NBAS: variants seen among roughly 807,000 people sequenced by gnomAD.
NBAS encodes the protein NBAS subunit of NRZ tethering complex.
Under a neutral mutation model 302.5 loss-of-function variants are expected in NBAS, and 219 were observed. The observed-to-expected ratio is 0.72, with a 90% CI of 0.65 to 0.81. The LOEUF (loss-of-function observed/expected upper bound fraction) is 0.81. Among genes scored for constraint, NBAS ranks in the 30% least tolerant of loss-of-function variants. The probability of loss-of-function intolerance (pLI) is 0.00; values close to 1 mark genes in which losing one functional copy is unlikely to be tolerated. For synonymous variants in NBAS, 1,118 were observed against 1,021.6 expected, an observed-to-expected ratio of 1.09 and a Z score of -1.80; for missense variants, 2,932 against 2,841.6, an observed-to-expected ratio of 1.03 and a Z score of -0.72.
the NBAS span, among the ~76,000 whole-genome samples, chr2:14,839,449 C>G: frequency 2.0e-4 from 31 of 152,074 alleles, no homozygotes; most frequent in African/African-American, 6.5e-4. Flanking sequence ...CTGAGGACAG[C>G]CAGAGACAAA....
chr2:15,298,112 A>G (rs771072366), intron 40 of NBAS, among the ~76,000 whole-genome samples: 8 of 152,148 alleles, frequency 5.3e-5, no homozygotes, highest in Non-Finnish European at 1.0e-4. Context: ...TGGGAGGCCA[A>G]GGTGGGAGGA....
chr2:15,183,361 T>G (rs1452666472), intron 50 of NBAS, among the ~76,000 whole-genome samples: 1 of 152,200 alleles, frequency 6.6e-6, no homozygotes, highest in East Asian at 1.9e-4. Flanking sequence ...CGATGGAAAG[T>G]CACGGTGACA....
chr2:15,443,713 G>A lies in NBAS; in HGVS notation c.2340-15919C>T, dbSNP rs1351682718. 3.3e-5 allele frequency among the ~76,000 whole-genome samples: 5 copies of A among 150,898 alleles called. No homozygotes were observed. The East Asian group carries it at 7.8e-4, about 24-fold the overall frequency. ...AATTAGGAAAAGAGGAAGTCAAATT[G>A]TCCCTGTTTGCAGACGACATGATTG... is the stretch of plus-strand genomic sequence containing the variant. On this transcript the variant is annotated intron_variant, in intron 21 of 51. Transcript: ENST00000281513.
chr2:14,869,555 A>G, the NBAS span, among the ~76,000 whole-genome samples: 2 of 152,088 alleles, frequency 1.3e-5, no homozygotes, highest in African/African-American at 4.8e-5. Flanking sequence ...CTAATTCTGC[A>G]TGTGGTTTTA....
the NBAS span, among the ~76,000 whole-genome samples, chr2:14,958,974 A>T: frequency 6.6e-6 from 1 of 152,200 alleles, no homozygotes; most frequent in Non-Finnish European, 1.5e-5. Context: ...GTGGAGTAAC[A>T]CTGAAGAGGC....
chr2:14,788,816 T>C, the NBAS span, among the ~76,000 whole-genome samples: 1 of 152,236 alleles, frequency 6.6e-6, no homozygotes, highest in Non-Finnish European at 1.5e-5. Context: ...CTGCCCTTTC[T>C]CAGATCTCCA....
At chr2:15,113,319 T>TTG in the NBAS span, among the ~76,000 whole-genome samples, 5 of 40,946 alleles carry the variant, frequency 1.2e-4, no homozygotes, top group Non-Finnish European at 2.9e-4. Context: ...TGGTATGAAC[T>TTG]CGTGTGTGTG....
chr2:15,145,877 G>A, the NBAS span, among the ~76,000 whole-genome samples: 2 of 152,102 alleles, frequency 1.3e-5, no homozygotes, highest in African/African-American at 2.4e-5. Flanking sequence ...ATGCATGCTC[G>A]AAGTTGAGAG....
At chr2:14,887,360 G>A in the NBAS span, among the ~76,000 whole-genome samples, 3 of 142,584 alleles carry the variant, frequency 2.1e-5, no homozygotes, top group African/African-American at 8.3e-5. Flanking sequence ...CTGAGATCGC[G>A]CCACCGCACT....
At chr2:14,999,510 G>C in the NBAS span, among the ~76,000 whole-genome samples, 1 of 152,058 alleles carries the variant, frequency 6.6e-6, no homozygotes, top group Non-Finnish European at 1.5e-5. Context: ...GATAGTGAAC[G>C]AGTTCTCAGG....
At chr2:14,785,455 T>C in the NBAS span, among the ~76,000 whole-genome samples, 2 of 152,136 alleles carry the variant, frequency 1.3e-5, no homozygotes, top group South Asian at 4.1e-4. Flanking sequence ...TGGCTGTGGG[T>C]TTGTCATAGA....
chr2:14,813,349 A>G, the NBAS span, among the ~76,000 whole-genome samples: 1 of 152,192 alleles, frequency 6.6e-6, no homozygotes. Flanking sequence ...TGGCCAAAAT[A>G]CTGATAGTGA....
chr2:15,288,402 C>T (rs1467633858), intron 41 of NBAS, among the ~76,000 whole-genome samples: 2 of 152,066 alleles, frequency 1.3e-5, no homozygotes, highest in African/African-American at 4.8e-5. Flanking sequence ...TAAACACACA[C>T]CCAGCAGAGG....
intron 47 of NBAS, among the ~76,000 whole-genome samples, chr2:15,220,252 GC>G (rs1287650402): frequency 6.6e-6 from 1 of 151,874 alleles, no homozygotes; most frequent in Admixed American, 6.5e-5. Context: ...AGTAGGGGCG[GC>G]CGGGCAGAGG....
At position 15,352,086 on chromosome 2, in the gene NBAS, A is replaced by T. The variant is rs746120462; in HGVS notation, c.4090-5T>A. On this transcript the variant is annotated splice_polypyrimidine_tract_variant and splice_region_variant and intron_variant, in intron 34 of 51. Transcript: ENST00000281513. ...ATTCACTCTTTGATAAAGAATCTAAAACAAGAATAGGCTATATTGTAAAGG... is the reference window on the plus strand; with the variant it reads ...ATTCACTCTTTGATAAAGAATCTAATACAAGAATAGGCTATATTGTAAAGG... The T allele has an allele frequency of 6.3e-7, 1 of 1,586,726 alleles. No homozygotes were observed. Among genetic ancestry groups the T allele is most frequent in the South Asian group, 1.1e-5 (1 of 90,474 alleles).
chr2:14,853,081 TA>T, the NBAS span, among the ~76,000 whole-genome samples: 32 of 135,774 alleles, frequency 2.4e-4, no homozygotes, highest in African/African-American at 8.9e-4. Context: ...GGGATCTAAT[TA>T]AACTAAAGAG....
the NBAS span, among the ~76,000 whole-genome samples, chr2:14,896,283 G>C: frequency 6.6e-6 from 1 of 152,024 alleles, no homozygotes; most frequent in Non-Finnish European, 1.5e-5. Context: ...CAGCCAATAC[G>C]CTATGTAATG....
At chr2:15,337,301 G>C (rs1477997430) in intron 35 of NBAS, among the ~76,000 whole-genome samples, 1 of 151,942 alleles carries the variant, frequency 6.6e-6, no homozygotes, top group Admixed American at 6.6e-5. Context: ...GAGGACTCAG[G>C]GGGAAAGGGT....
chr2:15,251,790 C>G (rs1668376335), intron 44 of NBAS, among the ~76,000 whole-genome samples: 2 of 152,280 alleles, frequency 1.3e-5, no homozygotes, highest in Admixed American at 1.3e-4. Context: ...GTTTTATCAG[C>G]AAGGTCTTTA....
Sources: allele counts gnomAD v4.1 joint callset (sites outside exome capture counted in the v4.1 genomes callset), GRCh38; gene constraint gnomAD v4.1.1; transcripts MANE v1.5; gene names NCBI Gene and HGNC (gene_info 2026-07-23, HGNC 2026-07-21).